Variants in CHD3 observed in about 807,000 individuals in gnomAD.
CHD3 encodes chromodomain helicase DNA binding protein 3, also known as ATP-dependent chromatin remodeler CHD3.
In CHD3, 52 loss-of-function variants were observed where a neutral mutation model predicts 248.9. That is an observed-to-expected ratio of 0.21 (90% CI 0.17 to 0.26). The LOEUF is 0.26. Ranked by LOEUF, CHD3 falls within the 10% of genes least tolerant of loss-of-function variation. The pLI is 1.00. For synonymous variants in CHD3, 985 were observed against 985.2 expected, an observed-to-expected ratio of 1.00 and a Z score of 0.00; for missense variants, 1,482 against 2,605.8, an observed-to-expected ratio of 0.57 and a Z score of 9.39.
intron 4 of CHD3, among the ~76,000 whole-genome samples, chr17:7,892,756 A>G (rs1969068594): frequency 6.6e-6 from 1 of 152,064 alleles, no homozygotes; most frequent in Non-Finnish European, 1.5e-5. Context: ...TGGCCTCCCA[A>G]AGTACTGGGA....
chr17:7,901,750 A>T (rs1970347971), intron 20 of CHD3, among the ~76,000 whole-genome samples: 1 of 151,892 alleles, frequency 6.6e-6, no homozygotes, highest in African/African-American at 2.4e-5. Context: ...ACCTCAGGTG[A>T]TCTGCCCGCC....
chr17:7,891,546 T>C (rs2151475970), intron 4 of CHD3, among the ~76,000 whole-genome samples: 1 of 151,954 alleles, frequency 6.6e-6, no homozygotes, highest in East Asian at 1.9e-4. Context: ...TGAAGAAAAG[T>C]AGAGAATAGT....
rs985018792 is a variant in CHD3 at position 7,905,460 on chromosome 17, A to C, written c.4139-161A>C. On this transcript the variant is annotated intron_variant, in intron 26 of 39. Coordinates refer to ENST00000330494, the MANE Select transcript of CHD3 (RefSeq NM_001005273.3). This position sits in a 1 kb window ranked among gnomAD's most constrained non-coding sequence, Gnocchi z 5.8. Reference sequence around the variant, plus strand: ...AAATATGACTGGTTCTTTTAGACTTAGTGGGTTAGTAGTTCTGAAGTGCTT... The same window carrying C: ...AAATATGACTGGTTCTTTTAGACTTCGTGGGTTAGTAGTTCTGAAGTGCTT... 1.3e-5 allele frequency among the ~76,000 whole-genome samples: 2 copies of C among 152,140 alleles called. No individual in the cohort carries two copies. Among genetic ancestry groups the C allele is most frequent in the Non-Finnish European group, 2.9e-5 (2 of 68,030 alleles).
intron 4 of CHD3, among the ~76,000 whole-genome samples, chr17:7,892,499 T>C (rs1334392564): frequency 7.0e-6 from 1 of 142,626 alleles, no homozygotes; most frequent in African/African-American, 2.6e-5. Context: ...ATTTCCCCTT[T>C]TTTTTTTTTT....
rs780677674 is a variant in CHD3, at chr17:7,897,157, C to T, written c.1782C>T (p.Asp594=). The change falls in exon 11 of 40, where the codon GAC becomes GAT. Residue 594 remains aspartate, a synonymous_variant. Coordinates refer to ENST00000330494, the MANE Select transcript of CHD3 (RefSeq NM_001005273.3). This position sits in a 1 kb window ranked among gnomAD's most constrained non-coding sequence, Gnocchi z 4.8. Reference sequence around the variant, plus strand: ...ACATGGATGAGCCCCCACCCCTGGACTATGGCTCCGGCGAGGATGATGGGA... The same window carrying T: ...ACATGGATGAGCCCCCACCCCTGGATTATGGCTCCGGCGAGGATGATGGGA... ...KNDMDEPPPL[D]YGSGEDDGKS... 1 of 1,614,172 alleles carries T rather than the reference C, an allele frequency of 6.2e-7. No individual in the cohort carries two copies. Among genetic ancestry groups the T allele is most frequent in the Non-Finnish European group, 8.5e-7 (1 of 1,180,016 alleles).
Position 7,911,359 on chromosome 17 carries a change from G to A in CHD3, c.5882-105G>A, listed in dbSNP as rs1415510431. On this transcript the variant is annotated intron_variant, in intron 39 of 39. Transcript: ENST00000330494. The surrounding 1 kb of genome is among the most constrained non-coding windows in gnomAD (Gnocchi z 5.4). ...TCTTCCCTCCCTCACGTGGGACAAC[G>A]GGAAGTGGCAGGAGGTGACCTAGAA... 9.6e-6 allele frequency: 15 copies of A among 1,565,140 alleles called. No homozygotes were observed. Among genetic ancestry groups the A allele is most frequent in the Admixed American group, 6.9e-5 (4 of 58,376 alleles).
At position 7,900,239 on chromosome 17, in the gene CHD3, AC is replaced by A. The variant is rs757665317; in HGVS notation, c.2683-50del. The A allele has an allele frequency of 7.4e-6, 12 of 1,611,074 alleles. No homozygotes were observed. The Admixed American group carries it at 1.3e-4, about 18-fold the overall frequency. ...GAAAGGCTGATGCTGTGGGTCGGTC[AC>A]TTGTCACTAATAAGCCCATTTTCCT... On this transcript the variant is annotated intron_variant, in intron 16 of 39. Coordinates refer to ENST00000330494, the MANE Select transcript of CHD3 (RefSeq NM_001005273.3). The surrounding 1 kb of genome is among the most constrained non-coding windows in gnomAD (Gnocchi z 6.5).
At chr17:7,891,126 C>A in intron 4 of CHD3, 62 bp downstream of exon 4, 1 of 1,576,398 alleles carries the variant, frequency 6.3e-7, no homozygotes, top group Non-Finnish European at 8.7e-7. Flanking sequence ...GGTCCTGGAC[C>A]CCTTGGAATC....
At chr17:7,885,064 G>C (rs1324074049), upstream of CHD3, 3 of 984,218 alleles carry the variant, frequency 3.0e-6, no homozygotes, top group South Asian at 4.6e-5. Context: ...TGCCCCCGCC[G>C]CCGCCGCCCC....
intron 4 of CHD3, among the ~76,000 whole-genome samples, chr17:7,892,091 A>G (rs910082415): frequency 6.6e-6 from 1 of 152,212 alleles, no homozygotes; most frequent in African/African-American, 2.4e-5. Flanking sequence ...AATGGAAAGC[A>G]CAGTACCGTC....
At position 7,908,864 on chromosome 17, in the gene CHD3, C is replaced by A; in HGVS notation, c.5394+35C>A. On this transcript the variant is annotated intron_variant, in intron 36 of 39. Transcript: ENST00000330494. The surrounding 1 kb of genome is among the most constrained non-coding windows in gnomAD (Gnocchi z 5.8). The stretch of plus-strand genomic sequence containing the variant: ...AGGGAGGAAAGGAGCGGGTTATAGA[C>A]GGGCTTGGGTCAGAAGTGAGACCAG... 2.5e-6 allele frequency: 4 copies of A among 1,613,528 alleles called. No individual in the cohort carries two copies. Among genetic ancestry groups the A allele is most frequent in the African/African-American group, 2.7e-5 (2 of 74,992 alleles).
In CHD3 at chr17:7,905,688, A is replaced by C; in HGVS notation, c.4206A>C (p.Arg1402=). 1 of 1,612,072 alleles carries C rather than the reference A, an allele frequency of 6.2e-7. No individual in the cohort carries two copies. Among genetic ancestry groups the C allele is most frequent in the Non-Finnish European group, 8.5e-7 (1 of 1,178,782 alleles). ...AGCCACTGCCTCCACTGCTGGCCCG[A>C]GTCGGGGGCAACATTGAGGTGAGAG... is the stretch of plus-strand genomic sequence containing the variant. The part of the protein sequence containing the change: ...KDKPLPPLLA[R]VGGNIEVLGF... The change falls in exon 27 of 40, where the codon CGA becomes CGC. Residue 1402 remains arginine (R), a synonymous_variant. Transcript: ENST00000330494. This position sits in a 1 kb window ranked among gnomAD's most constrained non-coding sequence, Gnocchi z 5.8.
Position 7,908,774 on chromosome 17 carries a change from C to T in CHD3, c.5339C>T (p.Ala1780Val), listed in dbSNP as rs2151661582. 1 of 1,614,066 alleles carries T rather than the reference C, an allele frequency of 6.2e-7. No homozygotes were observed. Among genetic ancestry groups the T allele is most frequent in the Non-Finnish European group, 8.5e-7 (1 of 1,180,006 alleles). ...AIINEPFKTE[A>V]NKGNFLEMKN... ...ATCAACGAGCCATTTAAAACTGAAG[C>T]CAATAAGGGGAACTTTCTGGAGATG... Residue 1780 changes from alanine (A) to valine (V), a missense_variant, in exon 36 of 40, where the codon GCC (alanine) becomes GTC (valine). Ala to Val is a moderately conservative substitution (Grantham distance 64, BLOSUM62 0). This residue lies in a region of CHD3 where 27 missense variants were observed against 23.5 expected (regional missense o/e 1.15). Coordinates refer to ENST00000330494, the MANE Select transcript of CHD3 (RefSeq NM_001005273.3). The surrounding 1 kb of genome is among the most constrained non-coding windows in gnomAD (Gnocchi z 5.8).
chr17:7,911,109 T>C lies in CHD3; in HGVS notation c.5881+136T>C. The C allele has an allele frequency of 7.9e-7, 1 of 1,263,786 alleles. No individual in the cohort carries two copies. Among genetic ancestry groups the C allele is most frequent in the South Asian group, 1.3e-5 (1 of 76,136 alleles). The allele number at this position is 1,263,786 out of a possible 1,614,324, so 78.3% of individuals were successfully genotyped here. ...TCCGGTGTTTTATGGGATAGAGTTG[T>C]TCTAGGCTGTCCCCCCACCCATCCC... On this transcript the variant is annotated intron_variant, in intron 39 of 39. Transcript: ENST00000330494. This position sits in a 1 kb window ranked among gnomAD's most constrained non-coding sequence, Gnocchi z 5.4.
At chr17:7,890,492 G>A in intron 2 of CHD3, 79 bp from the exon 3 acceptor site, 1 of 985,782 alleles carries the variant, frequency 1.0e-6, no homozygotes, top group Non-Finnish European at 1.5e-6. Flanking sequence ...ATTAAAAGAG[G>A]TAAGATATGG....
chr17:7,906,119 TC>T lies in CHD3; in HGVS notation c.4358+132del. On this transcript the variant is annotated intron_variant, in intron 28 of 39. Coordinates refer to ENST00000330494, the MANE Select transcript of CHD3 (RefSeq NM_001005273.3). The surrounding 1 kb of genome is among the most constrained non-coding windows in gnomAD (Gnocchi z 5.0). ...ATCACCCTCCCTGTCATACAATACT[TC>T]CTGGCTCGATTTCCTGGGGGGTGGT... 1 of 1,384,998 alleles carries T rather than the reference TC, an allele frequency of 7.2e-7. No homozygotes were observed. The highest frequency in any genetic ancestry group is 2.3e-5 in the East Asian group (1 of 43,854). The allele number at this position is 1,384,998 out of a possible 1,614,324, so 85.8% of individuals were successfully genotyped here.
Position 7,910,514 on chromosome 17 carries a change from G to A in CHD3, c.5677G>A (p.Ala1893Thr), listed in dbSNP as rs1415473359. The A allele has an allele frequency of 7.4e-6, 12 of 1,613,580 alleles. No homozygotes were observed. Among genetic ancestry groups the A allele is most frequent in the African/African-American group, 4.0e-5 (3 of 74,864 alleles). Residue 1893 changes from alanine to threonine, a missense_variant, in exon 38 of 40, where the codon GCA (alanine) becomes ACA (threonine). Ala to Thr is a moderately conservative substitution (Grantham distance 58). This residue lies in a region of CHD3 where 83 missense variants were observed against 181.0 expected (regional missense o/e 0.46). Transcript: ENST00000330494. This position sits in a 1 kb window ranked among gnomAD's most constrained non-coding sequence, Gnocchi z 4.7. ...CACGCTGTCCCGAATACCCCCCATC[G>A]CAGCCCGCCTTCAGATGTCCGAGCG... ...PATLSRIPPI[A>T]ARLQMSERSI...
Position 7,905,078 on chromosome 17 carries a change from T to A in CHD3, c.4073-22T>A. 1.2e-6 allele frequency: 2 copies of A among 1,613,022 alleles called. No homozygotes were observed. Among genetic ancestry groups the A allele is most frequent in the Non-Finnish European group, 1.7e-6 (2 of 1,179,022 alleles). On this transcript the variant is annotated intron_variant, in intron 25 of 39. Coordinates refer to ENST00000330494, the MANE Select transcript of CHD3 (RefSeq NM_001005273.3). The surrounding 1 kb of genome is among the most constrained non-coding windows in gnomAD (Gnocchi z 5.8). ...TATCCCGAGAGCCCTCCCTGACCAC[T>A]GGGCCCTTTCCACCCCCACAGACAA... is the stretch of plus-strand genomic sequence containing the variant.
At chr17:7,898,376 A>G in intron 12 of CHD3, 120 bp from the exon 13 acceptor site, 2 of 834,370 alleles carry the variant, frequency 2.4e-6, no homozygotes, top group Non-Finnish European at 3.8e-6. Context: ...GAGCCTGGGA[A>G]AAAGGAAATA....
Sources: allele counts gnomAD v4.1 joint callset (sites outside exome capture counted in the v4.1 genomes callset), GRCh38; gene constraint gnomAD v4.1.1; regional missense constraint gnomAD v4.1.1; non-coding constraint Gnocchi (gnomAD v3.1); transcripts MANE v1.5; gene names NCBI Gene and HGNC (gene_info 2026-07-23, HGNC 2026-07-21).